Variants in PHLDB2 observed in about 807,000 individuals in gnomAD.
The protein encoded by PHLDB2 is pleckstrin homology-like domain family B member 2.
In PHLDB2, 71 loss-of-function variants were observed where a neutral mutation model predicts 123.6. The observed-to-expected ratio is 0.57, with a 90% CI of 0.47 to 0.70. PHLDB2 has a LOEUF of 0.70. Ranked by LOEUF, PHLDB2 falls within the 30% of genes least tolerant of loss-of-function variation. The pLI is 0.00. For missense variants in PHLDB2, 1,446 were observed against 1,519.5 expected (o/e 0.95, Z 0.80); for synonymous variants, 547 against 541.6 (o/e 1.01, Z -0.14).
chr3:111,894,995 A>G (rs2107399282), intron 2 of PHLDB2, among the ~76,000 whole-genome samples: 1 of 151,980 alleles, frequency 6.6e-6, no homozygotes, highest in Non-Finnish European at 1.5e-5. Context: ...TTGATTAAAT[A>G]TTAAAGGAAT....
intron 1 of PHLDB2, among the ~76,000 whole-genome samples, chr3:111,829,186 T>C (rs1473243311): frequency 6.6e-6 from 1 of 152,174 alleles, no homozygotes; most frequent in Non-Finnish European, 1.5e-5. Flanking sequence ...GGGCCATTTA[T>C]CTTCCCACAT....
chr3:111,965,859 T>A (rs1307536593), intron 13 of PHLDB2, among the ~76,000 whole-genome samples: 1 of 152,248 alleles, frequency 6.6e-6, no homozygotes, highest in Non-Finnish European at 1.5e-5. Flanking sequence ...GTTTTCACTT[T>A]GTCTGTTAGT....
chr3:111,862,275 G>C (rs149450995), intron 1 of PHLDB2, among the ~76,000 whole-genome samples: 17 of 152,342 alleles, frequency 1.1e-4, no homozygotes, highest in Admixed American at 2.6e-4. Flanking sequence ...TTTCTAGGTG[G>C]AGTACCTGTG....
At position 111,775,045 on chromosome 3, in the gene PHLDB2, A is replaced by T. The variant is rs552425752; in HGVS notation, c.-49+42342A>T. Among the ~76,000 whole-genome samples the T allele has an allele frequency of 5.2e-4, 79 of 152,358 alleles. 3 individuals carry two copies. In the South Asian group the frequency reaches 0.013, roughly 26 times the overall value. On this transcript the variant is annotated intron_variant, in intron 1 of 17. Coordinates refer to the PHLDB2 transcript ENST00000393923. Reference sequence around the variant, plus strand: ...GGTATAAAGAAAATATGAGAGTCTTATAAGAATTCCTAATAATGAGATAAT... The same window carrying T: ...GGTATAAAGAAAATATGAGAGTCTTTTAAGAATTCCTAATAATGAGATAAT...
At chr3:111,814,974 GC>G (rs2062009135) in intron 1 of PHLDB2, among the ~76,000 whole-genome samples, 1 of 152,186 alleles carries the variant, frequency 6.6e-6, no homozygotes, top group African/African-American at 2.4e-5. Context: ...AATTATGGGT[GC>G]GGGTGTTTCC....
At chr3:111,941,517 A>G (rs1221456048) in intron 8 of PHLDB2, among the ~76,000 whole-genome samples, 2 of 152,172 alleles carry the variant, frequency 1.3e-5, no homozygotes, top group African/African-American at 4.8e-5. Context: ...GTTAAGAGGA[A>G]AGGGGAAGGC....
At chr3:111,758,191 T>G (rs1379990560) in intron 1 of PHLDB2, among the ~76,000 whole-genome samples, 1 of 152,096 alleles carries the variant, frequency 6.6e-6, no homozygotes, top group African/African-American at 2.4e-5. Context: ...TGTTTGTCTG[T>G]GCCCTGCCCC....
chr3:111,947,901 A>G (rs1484881577), intron 9 of PHLDB2, among the ~76,000 whole-genome samples: 1 of 152,214 alleles, frequency 6.6e-6, no homozygotes, highest in African/African-American at 2.4e-5. Context: ...AAAAGGATTG[A>G]TGGAGGCATG....
Position 111,974,567 on chromosome 3 carries a change from A to T in PHLDB2, c.*4A>T. ...TTACACTCACTTCTTGTTGTAGTGA[A>T]CTGAGGCAACAGTCCACTTCAGGGC... is the stretch of plus-strand genomic sequence containing the variant. On this transcript the variant is annotated 3_prime_UTR_variant, in exon 18 of 18. Coordinates refer to ENST00000431670, the MANE Select transcript of PHLDB2 (RefSeq NM_001134438.2). 1 of 1,609,366 alleles carries T rather than the reference A, an allele frequency of 6.2e-7. No individual in the cohort carries two copies. Among genetic ancestry groups the T allele is most frequent in the African/African-American group, 1.3e-5 (1 of 74,844 alleles).
At chr3:111,950,671 A>G (rs1016682618) in intron 10 of PHLDB2, among the ~76,000 whole-genome samples, 2 of 152,188 alleles carry the variant, frequency 1.3e-5, no homozygotes, top group African/African-American at 4.8e-5. Context: ...TTTGGTGCCA[A>G]AAGATCCTAA....
At chr3:111,844,120 C>T (rs980538476) in intron 1 of PHLDB2, among the ~76,000 whole-genome samples, 5 of 152,132 alleles carry the variant, frequency 3.3e-5, no homozygotes, top group Non-Finnish European at 7.3e-5. Flanking sequence ...GATTCTTGAC[C>T]TCATCCTCTC....
intron 13 of PHLDB2, among the ~76,000 whole-genome samples, chr3:111,964,506 A>ATTTTTTT (rs529646565): frequency 1.4e-5 from 2 of 143,572 alleles, no homozygotes; most frequent in Non-Finnish European, 3.1e-5. Flanking sequence ...CACCTGGCTA[A>ATTTTTTT]TTTTTTTTTT....
intron 2 of PHLDB2, chr3:111,911,759 T>C (rs2067898322): frequency 2.7e-6 from 4 of 1,505,720 alleles, no homozygotes; most frequent in Non-Finnish European, 3.6e-6. Context: ...ATTAGTCCTT[T>C]TGATCAAGCT....
intron 1 of PHLDB2, among the ~76,000 whole-genome samples, chr3:111,803,007 A>T (rs551845681): frequency 6.6e-6 from 1 of 152,262 alleles, no homozygotes; most frequent in African/African-American, 2.4e-5. Context: ...AGGATGTCAC[A>T]GATTTAATGA....
At chr3:111,773,812 T>C (rs114039665) in intron 1 of PHLDB2, among the ~76,000 whole-genome samples, 1,628 of 152,334 alleles carry the variant, frequency 0.011, 27 homozygotes, top group African/African-American at 0.036. Flanking sequence ...TGAGGCCAGG[T>C]CTTATTGGAT....
Position 111,884,837 on chromosome 3 carries a change from C to G in PHLDB2, c.760C>G (p.Arg254Gly). ...SSLSHMGAYS[R>G]SLPRLYRATE... ...CCTGAGTCACATGGGAGCCTACAGC[C>G]GATCACTTCCCAGGTTGTACAGAGC... is the stretch of plus-strand genomic sequence containing the variant. The change falls in exon 2 of 18, where the codon CGA (arginine) becomes GGA (glycine). Residue 254 changes from arginine (R) to glycine (G), a missense_variant. Physicochemically the swap from Arg to Gly is moderately radical, Grantham distance 125. This residue lies in a region of PHLDB2 where 832 missense variants were observed against 831.9 expected (regional missense o/e 1.00). Transcript: ENST00000431670. The G allele has an allele frequency of 3.7e-6, 6 of 1,614,122 alleles. No homozygotes were observed. Among genetic ancestry groups the G allele is most frequent in the Non-Finnish European group, 5.1e-6 (6 of 1,180,032 alleles).
At chr3:111,742,319 T>A (rs1316111807) in intron 1 of PHLDB2, among the ~76,000 whole-genome samples, 3 of 152,090 alleles carry the variant, frequency 2.0e-5, no homozygotes, top group Non-Finnish European at 4.4e-5. Context: ...ATATATATAT[T>A]TTTTATTATA....
chr3:111,797,431 C>A (rs969623134), intron 1 of PHLDB2, among the ~76,000 whole-genome samples: 2 of 152,214 alleles, frequency 1.3e-5, no homozygotes, highest in South Asian at 2.1e-4. Flanking sequence ...ATCTCAGACA[C>A]TGAATAACTA....
chr3:111,968,462 G>C (rs1400341650), intron 15 of PHLDB2, among the ~76,000 whole-genome samples: 1 of 152,146 alleles, frequency 6.6e-6, no homozygotes, highest in African/African-American at 2.4e-5. Context: ...CATAGAATTT[G>C]AATCTCTGTT....
Sources: gnomAD v4.1 joint callset for allele counts (sites outside exome capture counted in the v4.1 genomes callset) on GRCh38, gnomAD v4.1.1 for gene constraint, gnomAD v4.1.1 regional missense constraint, MANE v1.5 for transcripts, NCBI Gene and HGNC (gene_info 2026-07-23, HGNC 2026-07-21) for gene names.